ARID1B: variants seen among roughly 807,000 people sequenced by gnomAD.
The protein encoded by ARID1B is AT-rich interactive domain-containing protein 1B.
A neutral mutation model predicts 212.3 loss-of-function variants in ARID1B; 30 were observed. The ratio of observed to expected loss-of-function variants is 0.14; its 90% confidence interval spans 0.11 to 0.19. The LOEUF (loss-of-function observed/expected upper bound fraction) is 0.19, where lower values mean the gene tolerates loss of function less well. ARID1B is among the 10% of genes least tolerant of loss of function. ARID1B has a pLI of 1.00. For synonymous variants in ARID1B, 1,402 were observed against 1,301.7 expected (o/e 1.08, Z -1.66); for missense variants, 2,891 against 3,204.0 (o/e 0.90, Z 2.36).
chr6:157,088,068 C>T (rs1476732521), intron 5 of ARID1B, among the ~76,000 whole-genome samples: 3 of 152,176 alleles, frequency 2.0e-5, no homozygotes, highest in Non-Finnish European at 4.4e-5. Context: ...CTCTTTTTGC[C>T]TGTGTGGAGG....
intron 8 of ARID1B, 170 bp from the exon 9 acceptor site, chr6:157,166,870 C>T: frequency 2.4e-6 from 2 of 841,438 alleles, no homozygotes; most frequent in Non-Finnish European, 3.5e-6. Context: ...TAAAGAGTTA[C>T]CTAGCAATAG....
chr6:157,200,865 C>T lies in ARID1B; in HGVS notation c.4640C>T (p.Pro1547Leu), dbSNP rs1258284323. ...CGCAGGCCCATCCAGGGCCAGTACCCGTATCCCTACAGCAGGGAGAGGATG... is the reference window on the plus strand; with the variant it reads ...CGCAGGCCCATCCAGGGCCAGTACCTGTATCCCTACAGCAGGGAGAGGATG... ...PDRRPIQGQY[P>L]YPYSRERMQG... Residue 1547 changes from proline to leucine, a missense_variant, in exon 18 of 20, where the codon CCG (proline) becomes CTG (leucine). Physicochemically the swap from Pro to Leu is moderately conservative, Grantham distance 98 (BLOSUM62 -3). Coordinates refer to ENST00000636930, the MANE Select transcript of ARID1B (RefSeq NM_001374828.1). The surrounding 1 kb of genome is among the most constrained non-coding windows in gnomAD (Gnocchi z 4.3). 3.1e-6 allele frequency: 5 copies of T among 1,613,924 alleles called. No individual in the cohort carries two copies. The highest frequency in any genetic ancestry group is 1.1e-5 in the South Asian group (1 of 91,094).
Position 157,167,337 on chromosome 6 carries a change from C to T in ARID1B, c.3235+152C>T, listed in dbSNP as rs1054460826. 1.0e-5 allele frequency: 9 copies of T among 868,540 alleles called. No homozygotes were observed. The Admixed American group carries it at 1.9e-4, about 18-fold the overall frequency. 53.8% of individuals were successfully genotyped at this position (868,540 alleles called of 1,614,324 possible). A position where few individuals can be genotyped will look rare whatever the true frequency, so the allele number is the denominator to read the frequency against. On this transcript the variant is annotated intron_variant, in intron 9 of 19. Transcript: ENST00000636930. ...CTTTTCTGCTTCTCAGAAACTTGCT[C>T]CATCTATTTAAGACTTGAGAATTAC...
intron 2 of ARID1B, among the ~76,000 whole-genome samples, chr6:156,872,467 G>A (rs1458380424): frequency 1.3e-5 from 2 of 152,148 alleles, no homozygotes; most frequent in South Asian, 4.2e-4. Flanking sequence ...GATTACAGGC[G>A]CGCACCACCA....
chr6:156,945,233 C>CTTTTTTTTTTTTTTT lies in ARID1B; in HGVS notation c.2247+9678_2247+9692dup, dbSNP rs1164805779. 3.4e-4 allele frequency among the ~76,000 whole-genome samples: 11 copies of CTTTTTTTTTTTTTTT among 32,658 alleles called. 1 individual carries two copies. Among genetic ancestry groups the CTTTTTTTTTTTTTTT allele is most frequent in the Middle Eastern group, 0.025 (1 of 40 alleles). 21.4% of individuals were successfully genotyped at this position (32,658 alleles called of 152,430 possible). A position where few individuals can be genotyped will look rare whatever the true frequency, so the allele number is the denominator to read the frequency against. On this transcript the variant is annotated intron_variant, in intron 4 of 19. Coordinates refer to ENST00000636930, the MANE Select transcript of ARID1B (RefSeq NM_001374828.1). ...GACCGGTGTGAGCCCCCGCATCCGG[C>CTTTTTTTTTTTTTTT]TTTTTTTTTTTTTTTTTTTTTTTTT...
intron 15 of ARID1B, among the ~76,000 whole-genome samples, chr6:157,192,582 C>G (rs373721594): frequency 1.3e-5 from 2 of 152,122 alleles, no homozygotes; most frequent in Admixed American, 6.5e-5. Context: ...GGACATAACC[C>G]CATCTTAAAT....
Position 157,138,289 on chromosome 6 carries a change from G to A in ARID1B, c.2761+5082G>A, listed in dbSNP as rs555593753. On this transcript the variant is annotated intron_variant, in intron 7 of 19. Coordinates refer to ENST00000636930, the MANE Select transcript of ARID1B (RefSeq NM_001374828.1). Reference sequence around the variant, plus strand: ...CTCACTCTGTCACCCAGGCTGGAGTGCAGTGATGCAACCTTGACTCACTGC... The same window carrying A: ...CTCACTCTGTCACCCAGGCTGGAGTACAGTGATGCAACCTTGACTCACTGC... Among the ~76,000 whole-genome samples, 9 of 152,254 alleles carry A rather than the reference G, an allele frequency of 5.9e-5. No homozygotes were observed. The East Asian group carries it at 1.4e-3, about 23-fold the overall frequency.
At chr6:156,864,313 C>CT (rs2128132944) in intron 2 of ARID1B, among the ~76,000 whole-genome samples, 1 of 152,294 alleles carries the variant, frequency 6.6e-6, no homozygotes, top group East Asian at 1.9e-4. Flanking sequence ...AAATTGTTAT[C>CT]TTGTCTTTCA....
intron 6 of ARID1B, among the ~76,000 whole-genome samples, chr6:157,125,584 T>TA (rs1229580635): frequency 1.3e-5 from 2 of 152,222 alleles, no homozygotes; most frequent in African/African-American, 4.8e-5. Flanking sequence ...ACACGTTGTT[T>TA]AGGTCTCAGC....
intron 1 of ARID1B, among the ~76,000 whole-genome samples, chr6:156,784,747 T>C (rs993312253): frequency 2.0e-5 from 3 of 152,214 alleles, no homozygotes; most frequent in Admixed American, 6.5e-5. Flanking sequence ...GAAAATTCTT[T>C]CCTTACATTT....
chr6:157,197,312 G>C (rs1302526966), intron 16 of ARID1B, among the ~76,000 whole-genome samples: 1 of 152,274 alleles, frequency 6.6e-6, no homozygotes, highest in African/African-American at 2.4e-5. Context: ...GCCTTCGGAA[G>C]CTGCGTGTGC....
chr6:157,020,045 T>G (rs1020861385), intron 4 of ARID1B, among the ~76,000 whole-genome samples: 5 of 152,126 alleles, frequency 3.3e-5, no homozygotes, highest in African/African-American at 1.2e-4. Flanking sequence ...TGAAACAAAT[T>G]GGCACAACTT....
At chr6:157,081,611 T>C (rs1360896795) in intron 4 of ARID1B, among the ~76,000 whole-genome samples, 1 of 152,236 alleles carries the variant, frequency 6.6e-6, no homozygotes, top group Non-Finnish European at 1.5e-5. Flanking sequence ...TATTTTTCTC[T>C]TGATACTTCC....
At chr6:157,021,176 C>T (rs1780221654) in intron 4 of ARID1B, among the ~76,000 whole-genome samples, 3 of 152,102 alleles carry the variant, frequency 2.0e-5, no homozygotes, top group Admixed American at 2.0e-4. Flanking sequence ...GCCGCCAGCT[C>T]TCAGGCCTCG....
chr6:157,039,646 T>TTTCCTTCCTTCCTTCTTTCC (rs1781613429), intron 4 of ARID1B, among the ~76,000 whole-genome samples: 1 of 59,272 alleles, frequency 1.7e-5, no homozygotes, highest in Non-Finnish European at 3.2e-5. Flanking sequence ...TCCTTCCTTC[T>TTTCCTTCCTTCCTTCTTTCC]TTCCTTCCTT....
chr6:156,866,897 C>T (rs971067273), intron 2 of ARID1B, among the ~76,000 whole-genome samples: 2 of 152,300 alleles, frequency 1.3e-5, no homozygotes, highest in Non-Finnish European at 1.5e-5. Flanking sequence ...ATTTTGCAAG[C>T]ATCATGGAAG....
chr6:157,158,850 T>G (rs1790735978), intron 8 of ARID1B, among the ~76,000 whole-genome samples: 1 of 152,212 alleles, frequency 6.6e-6, no homozygotes, highest in Admixed American at 6.5e-5. Context: ...GATAAACTTT[T>G]TAAGTAAAGA....
chr6:157,084,805 T>C lies in ARID1B; in HGVS notation c.2391T>C (p.His797=), dbSNP rs1456212757. The C allele has an allele frequency of 6.2e-7, 1 of 1,613,990 alleles. No individual in the cohort carries two copies. The highest frequency in any genetic ancestry group is 2.2e-5 in the East Asian group (1 of 44,868). ...QSPFSPHASP[H]LSSIPGGPSP... The stretch of plus-strand genomic sequence containing the variant: ...CTTTCTCCCCACATGCGTCCCCTCA[T>C]CTCTCCAGCATCCCGGGGGGCCCAT... Residue 797 remains histidine (H), a synonymous_variant, in exon 5 of 20, where the codon CAT becomes CAC. Coordinates refer to ENST00000636930, the MANE Select transcript of ARID1B (RefSeq NM_001374828.1).
chr6:156,935,740 T>TGTA (rs1792150176), intron 4 of ARID1B, 164 bp downstream of exon 4: 1 of 582,758 alleles, frequency 1.7e-6, no homozygotes, highest in South Asian at 2.0e-5. Context: ...TTAGGAGCTC[T>TGTA]GTAGTCCTGG....
Sources: allele counts gnomAD v4.1 joint callset (sites outside exome capture counted in the v4.1 genomes callset), GRCh38; gene constraint gnomAD v4.1.1; non-coding constraint Gnocchi (gnomAD v3.1); transcripts MANE v1.5; gene names NCBI Gene and HGNC (gene_info 2026-07-23, HGNC 2026-07-21).